CTNND2: variants seen among roughly 807,000 people sequenced by gnomAD.
The protein encoded by CTNND2 is catenin delta-2.
CTNND2 carries 22 observed loss-of-function variants against 144.4 expected under a neutral mutation model. That is an observed-to-expected ratio of 0.15 (90% CI 0.11 to 0.22). CTNND2 has a LOEUF of 0.22. CTNND2 is among the 10% of genes least tolerant of loss of function. The pLI, the probability that CTNND2 is intolerant of heterozygous loss-of-function variation, is 1.00. For synonymous variants in CTNND2, 751 were observed against 695.6 expected (o/e 1.08, Z -1.25); for missense variants, 1,353 against 1,618.8 (o/e 0.84, Z 2.82).
In CTNND2 at chr5:11,881,850, G is replaced by A. The variant is rs575688207; in HGVS notation, c.37+21967C>T. On this transcript the variant is annotated intron_variant, in intron 1 of 21. Transcript: ENST00000304623. ...GGCTGTACTAATTTACATTTCCACC[G>A]ACAGTGTAAAAGAGTTTCATTGTCT... 7.2e-5 allele frequency among the ~76,000 whole-genome samples: 11 copies of A among 151,828 alleles called. No individual in the cohort carries two copies. In the South Asian group the frequency reaches 1.5e-3, roughly 20 times the overall value.
In CTNND2 at chr5:11,162,080, T is replaced by TG. The variant is rs149067296; in HGVS notation, c.1976-2322dup. Among the ~76,000 whole-genome samples, 1,192 of 147,102 alleles carry TG rather than the reference T, an allele frequency of 8.1e-3. 5 individuals are homozygous for TG. The highest frequency in any genetic ancestry group is 0.015 in the African/African-American group (592 of 39,986). On this transcript the variant is annotated intron_variant, in intron 11 of 21. Coordinates refer to ENST00000304623, the MANE Select transcript of CTNND2 (RefSeq NM_001332.4). ...CAGGAGAATTGCTTGAACCTGGGAG[T>TG]GGGGGGGGGTTGCAGTGAGCTGAGA...
In CTNND2 at chr5:11,311,847, C is replaced by A. The variant is rs1317850731; in HGVS notation, c.1628+34525G>T. Reference sequence around the variant, plus strand: ...CACACTCACACACACTCCCCATACACCCTCACCCCACACACTCCCCCTTCC... The same window carrying A: ...CACACTCACACACACTCCCCATACAACCTCACCCCACACACTCCCCCTTCC... On this transcript the variant is annotated intron_variant, in intron 9 of 21. Coordinates refer to ENST00000304623, the MANE Select transcript of CTNND2 (RefSeq NM_001332.4). Among the ~76,000 whole-genome samples the A allele has an allele frequency of 2.2e-5, 3 of 136,788 alleles. No homozygotes were observed. The South Asian group carries it at 7.1e-4, about 32-fold the overall frequency. The allele number at this position is 136,788 out of a possible 152,430, so 89.7% of individuals were successfully genotyped here.
chr5:11,712,503 T>C (rs1383525051), intron 2 of CTNND2, among the ~76,000 whole-genome samples: 1 of 152,204 alleles, frequency 6.6e-6, no homozygotes, highest in Non-Finnish European at 1.5e-5. Context: ...TACTGTTCTG[T>C]TCTTTATTCA....
At chr5:11,685,528 G>C (rs1784609776) in intron 2 of CTNND2, among the ~76,000 whole-genome samples, 1 of 152,254 alleles carries the variant, frequency 6.6e-6, no homozygotes, top group Non-Finnish European at 1.5e-5. Flanking sequence ...ATTCATTCAA[G>C]TAAAACAAAT....
intron 2 of CTNND2, among the ~76,000 whole-genome samples, chr5:11,659,170 AAAC>A (rs904902721): frequency 2.0e-5 from 3 of 152,178 alleles, no homozygotes; most frequent in African/African-American, 7.2e-5. Context: ...TACAAGTAAG[AAAC>A]AATACATTAT....
chr5:11,275,918 T>G (rs1187475218), intron 9 of CTNND2, among the ~76,000 whole-genome samples: 1 of 152,232 alleles, frequency 6.6e-6, no homozygotes, highest in Non-Finnish European at 1.5e-5. Context: ...GAATACCTGA[T>G]TTTAATTCCC....
chr5:11,180,109 G>C (rs1760856748), intron 11 of CTNND2, among the ~76,000 whole-genome samples: 1 of 152,148 alleles, frequency 6.6e-6, no homozygotes, highest in Non-Finnish European at 1.5e-5. Flanking sequence ...TTGAGGGAGG[G>C]ACCTGGTGGG....
At chr5:11,192,611 G>A (rs1453668051) in intron 11 of CTNND2, among the ~76,000 whole-genome samples, 1 of 152,154 alleles carries the variant, frequency 6.6e-6, no homozygotes, top group East Asian at 1.9e-4. Flanking sequence ...CATCAGGGAT[G>A]CAATGCTACT....
chr5:11,132,261 T>A (rs1278462939), intron 12 of CTNND2, among the ~76,000 whole-genome samples: 1 of 152,196 alleles, frequency 6.6e-6, no homozygotes, highest in Non-Finnish European at 1.5e-5. Context: ...CCGCTGTTAT[T>A]CTGTGGGGTC....
chr5:11,519,826 T>G (rs957756872), intron 3 of CTNND2, among the ~76,000 whole-genome samples: 1 of 151,840 alleles, frequency 6.6e-6, no homozygotes, highest in East Asian at 1.9e-4. Context: ...TTTTACCTGA[T>G]AAGGAGTGAC....
chr5:11,420,605 C>T (rs759560683), intron 3 of CTNND2, among the ~76,000 whole-genome samples: 21 of 152,100 alleles, frequency 1.4e-4, no homozygotes, highest in Non-Finnish European at 2.5e-4. Flanking sequence ...GTTCCATTAG[C>T]GCATTATGTC....
At chr5:11,277,807 A>G (rs1452999458) in intron 9 of CTNND2, among the ~76,000 whole-genome samples, 1 of 152,098 alleles carries the variant, frequency 6.6e-6, no homozygotes, top group Non-Finnish European at 1.5e-5. Flanking sequence ...CTGGGATTAC[A>G]GGTGTGAGCC....
intron 1 of CTNND2, among the ~76,000 whole-genome samples, chr5:11,852,165 G>A (rs549845202): frequency 1.3e-5 from 2 of 152,166 alleles, no homozygotes; most frequent in South Asian, 4.1e-4. Context: ...GTAGGCCATG[G>A]TATCACACTC....
At chr5:11,755,612 C>T (rs1407860780) in intron 1 of CTNND2, among the ~76,000 whole-genome samples, 5 of 148,024 alleles carry the variant, frequency 3.4e-5, no homozygotes, top group Admixed American at 2.7e-4. Context: ...TACATAATCC[C>T]ATATTTCTAG....
intron 2 of CTNND2, among the ~76,000 whole-genome samples, chr5:11,573,177 C>T (rs989447216): frequency 6.6e-6 from 1 of 152,186 alleles, no homozygotes; most frequent in African/African-American, 2.4e-5. Flanking sequence ...TAAGTTAATA[C>T]ATGTGAAGCA....
At chr5:11,734,456 A>C (rs942257386) in intron 1 of CTNND2, among the ~76,000 whole-genome samples, 5 of 152,168 alleles carry the variant, frequency 3.3e-5, no homozygotes, top group African/African-American at 1.2e-4. Flanking sequence ...CTGTAGCTCA[A>C]ATGAACTTAA....
intron 1 of CTNND2, among the ~76,000 whole-genome samples, chr5:11,856,974 T>A (rs1795282046): frequency 1.3e-5 from 2 of 152,208 alleles, no homozygotes; most frequent in African/African-American, 4.8e-5. Flanking sequence ...CTTAAATAGT[T>A]GAAATTAGTG....
chr5:11,383,527 C>T (rs1029939733), intron 7 of CTNND2, among the ~76,000 whole-genome samples: 2 of 152,150 alleles, frequency 1.3e-5, no homozygotes, highest in East Asian at 1.9e-4. Context: ...TTTCAGTAAA[C>T]GTAGCTAGCA....
At chr5:11,901,990 T>C (rs1257713711) in intron 1 of CTNND2, among the ~76,000 whole-genome samples, 1 of 152,176 alleles carries the variant, frequency 6.6e-6, no homozygotes, top group African/African-American at 2.4e-5. Flanking sequence ...CTCGGAAAGT[T>C]CCCTGAATGT....
Sources: allele counts gnomAD v4.1 joint callset (sites outside exome capture counted in the v4.1 genomes callset), GRCh38; gene constraint gnomAD v4.1.1; transcripts MANE v1.5; gene names NCBI Gene and HGNC (gene_info 2026-07-23, HGNC 2026-07-21).